Variants in STX2 observed in about 807,000 individuals in gnomAD.
STX2 encodes syntaxin 2.
In STX2, 27 loss-of-function variants were observed where a neutral mutation model predicts 40.6. The observed-to-expected ratio is 0.66, with a 90% CI of 0.49 to 0.92. The LOEUF is 0.92. STX2 is among the 40% of genes least tolerant of loss of function. STX2 has a pLI of 0.00. For missense variants in STX2, 328 were observed against 366.1 expected (o/e 0.90, Z 0.85); for synonymous variants, 123 against 119.1 (o/e 1.03, Z -0.22).
At position 130,835,466 on chromosome 12, in the gene STX2, A is replaced by G. The variant is rs78938313; in HGVS notation, c.30+3604T>C. Among the ~76,000 whole-genome samples, 231 of 45,008 alleles carry G rather than the reference A, an allele frequency of 5.1e-3. 6 individuals are homozygous for G. In the East Asian group the frequency reaches 0.4, roughly 78 times the overall value. The allele number at this position is 45,008 out of a possible 152,430, so 29.5% of individuals were successfully genotyped here. On this transcript the variant is annotated intron_variant, in intron 1 of 10. Transcript: ENST00000392373. ...GGTTTCTCTATTCTTCACTATAATA[A>G]ATAGATATATCATATATATGTATCA...
At position 130,791,972 on chromosome 12, in the gene STX2, C is replaced by A; in HGVS notation, c.*51G>T. 6.3e-7 allele frequency: 1 copy of A among 1,596,148 alleles called. No individual in the cohort carries two copies. Among genetic ancestry groups the A allele is most frequent in the South Asian group, 1.1e-5 (1 of 89,208 alleles). ...CAATTACACAAATAATAATGAACAT[C>A]AATTTCTGCAAGATAAAGAAAAACA... On this transcript the variant is annotated 3_prime_UTR_variant, in exon 11 of 11. Transcript: ENST00000392373.
chr12:130,807,120 C>G, intron 5 of STX2, 30 bp from the exon 6 acceptor site: 3 of 1,603,886 alleles, frequency 1.9e-6, no homozygotes, highest in Non-Finnish European at 2.6e-6. Flanking sequence ...ACATTCGTAT[C>G]TGAGGGCCAT....
At chr12:130,798,375 T>C (rs549266318) in intron 9 of STX2, 150 bp downstream of exon 9, 5 of 514,224 alleles carry the variant, frequency 9.7e-6, no homozygotes, top group African/African-American at 8.0e-5. Flanking sequence ...TTTAAATTTT[T>C]AGCAAAAAAA....
intron 1 of STX2, among the ~76,000 whole-genome samples, chr12:130,830,469 G>A (rs2004157): frequency 0.06 from 9,130 of 152,204 alleles, 873 homozygotes; most frequent in African/African-American, 0.2. Context: ...CGGCACGGGC[G>A]GATTTTTGTT....
At chr12:130,809,263 T>C (rs1951556990) in intron 4 of STX2, among the ~76,000 whole-genome samples, 1 of 151,800 alleles carries the variant, frequency 6.6e-6, no homozygotes, top group African/African-American at 2.4e-5. Context: ...CACACATATA[T>C]ACAAATACAT....
chr12:130,800,536 C>T (rs1270737153), intron 8 of STX2, among the ~76,000 whole-genome samples: 1 of 152,234 alleles, frequency 6.6e-6, no homozygotes, highest in Non-Finnish European at 1.5e-5. Flanking sequence ...ATGGGAAACC[C>T]CGTGTAACAG....
chr12:130,798,376 A>G (rs1951099573), intron 9 of STX2, 149 bp downstream of exon 9: 3 of 510,380 alleles, frequency 5.9e-6, no homozygotes, highest in Admixed American at 8.5e-5. Flanking sequence ...TTAAATTTTT[A>G]GCAAAAAAAA....
At chr12:130,825,548 A>G (rs1169275205) in intron 2 of STX2, among the ~76,000 whole-genome samples, 3 of 152,252 alleles carry the variant, frequency 2.0e-5, no homozygotes, top group Admixed American at 1.3e-4. Context: ...AAATCCCAGC[A>G]TCTTAACTCC....
intron 3 of STX2, among the ~76,000 whole-genome samples, chr12:130,817,553 C>G (rs556377185): frequency 6.6e-6 from 1 of 152,074 alleles, no homozygotes; most frequent in African/African-American, 2.4e-5. Flanking sequence ...GAAGTAATGG[C>G]CAAAGTTTTT....
At chr12:130,792,832 C>T (rs1213161083) in intron 10 of STX2, among the ~76,000 whole-genome samples, 1 of 152,178 alleles carries the variant, frequency 6.6e-6, no homozygotes, top group East Asian at 1.9e-4. Flanking sequence ...ATTCATTCTT[C>T]TACTGCACTG....
chr12:130,836,811 T>C (rs1952768611), intron 1 of STX2, among the ~76,000 whole-genome samples: 1 of 152,186 alleles, frequency 6.6e-6, no homozygotes. Flanking sequence ...AGAAACTCCA[T>C]GAGTGGAAAC....
At chr12:130,797,962 T>C (rs1287297607) in intron 9 of STX2, among the ~76,000 whole-genome samples, 9 of 152,220 alleles carry the variant, frequency 5.9e-5, no homozygotes, top group Non-Finnish European at 1.2e-4. Context: ...AGCCAACAAT[T>C]TGGTGCCAGG....
chr12:130,801,868 G>A (rs562730153), intron 6 of STX2, among the ~76,000 whole-genome samples: 63 of 152,282 alleles, frequency 4.1e-4, no homozygotes, highest in African/African-American at 1.4e-3. Flanking sequence ...TAAAGTCCAC[G>A]TAATGAGAGT....
chr12:130,818,232 G>A (rs1286794929), intron 3 of STX2, among the ~76,000 whole-genome samples: 1 of 122,668 alleles, frequency 8.2e-6, no homozygotes, highest in African/African-American at 3.7e-5. Flanking sequence ...TTATCTGGGC[G>A]TGGTGGCATA....
intron 2 of STX2, among the ~76,000 whole-genome samples, chr12:130,823,424 C>A (rs950291177): frequency 3.3e-5 from 5 of 152,258 alleles, no homozygotes; most frequent in African/African-American, 1.2e-4. Context: ...GGGAACTTTG[C>A]AGATGTGATC....
At chr12:130,794,236 A>G (rs1486896107) in intron 10 of STX2, among the ~76,000 whole-genome samples, 1 of 151,992 alleles carries the variant, frequency 6.6e-6, no homozygotes, top group Non-Finnish European at 1.5e-5. Flanking sequence ...ATCACGTACA[A>G]TATTTTCAGC....
chr12:130,796,533 T>C (rs1951033967), intron 9 of STX2, among the ~76,000 whole-genome samples: 1 of 152,186 alleles, frequency 6.6e-6, no homozygotes. Flanking sequence ...GAACTCACTT[T>C]AGAAGCTAAG....
chr12:130,832,249 G>A (rs1315323536), intron 1 of STX2, among the ~76,000 whole-genome samples: 1 of 151,594 alleles, frequency 6.6e-6, no homozygotes, highest in Non-Finnish European at 1.5e-5. Flanking sequence ...CACACCATAT[G>A]GTTCAACCTC....
At chr12:130,804,235 A>T (rs1248592094) in intron 6 of STX2, among the ~76,000 whole-genome samples, 1 of 152,218 alleles carries the variant, frequency 6.6e-6, no homozygotes, top group Non-Finnish European at 1.5e-5. Flanking sequence ...AACCTGCCTG[A>T]TGACAGGGCT....
Sources: allele counts gnomAD v4.1 joint callset (sites outside exome capture counted in the v4.1 genomes callset), GRCh38; gene constraint gnomAD v4.1.1; transcripts MANE v1.5; gene names NCBI Gene and HGNC (gene_info 2026-07-23, HGNC 2026-07-21).